The following CTNNA2 variants were observed in gnomAD, a reference collection of about 807,000 sequenced individuals.
CTNNA2 encodes catenin alpha-2.
Under a neutral mutation model 101.0 loss-of-function variants are expected in CTNNA2, and 42 were observed. The ratio of observed to expected loss-of-function variants is 0.42; its 90% confidence interval spans 0.32 to 0.54. The LOEUF (loss-of-function observed/expected upper bound fraction) is 0.54. Among genes scored for constraint, CTNNA2 ranks in the 20% least tolerant of loss-of-function variants. CTNNA2 has a pLI of 0.14. For synonymous variants in CTNNA2, 450 were observed against 456.4 expected, an observed-to-expected ratio of 0.99 and a Z score of 0.18; for missense variants, 871 against 1,223.1, an observed-to-expected ratio of 0.71 and a Z score of 4.29.
chr2:79,877,212 C>T (rs141219338), intron 6 of CTNNA2, among the ~76,000 whole-genome samples: 1,645 of 151,904 alleles, frequency 0.011, 35 homozygotes, highest in African/African-American at 0.038. Flanking sequence ...TCTTGGAGGT[C>T]AACAAAAATC....
intron 9 of CTNNA2, among the ~76,000 whole-genome samples, chr2:80,514,172 TG>T (rs1688923448): frequency 6.6e-6 from 1 of 152,122 alleles, no homozygotes; most frequent in Middle Eastern, 3.2e-3. Context: ...GGACTTGCGA[TG>T]GGGGTGCTCT....
intron 3 of CTNNA2, among the ~76,000 whole-genome samples, chr2:79,837,940 A>G (rs1264719116): frequency 6.6e-6 from 1 of 152,078 alleles, no homozygotes; most frequent in African/African-American, 2.4e-5. Flanking sequence ...AAAGAGACTA[A>G]TATTATGCAA....
intron 2 of CTNNA2, among the ~76,000 whole-genome samples, chr2:79,258,063 T>C (rs946351100): frequency 6.6e-6 from 1 of 152,166 alleles, no homozygotes; most frequent in Non-Finnish European, 1.5e-5. Context: ...CCCACACTAC[T>C]CCAGTATTAA....
intron 9 of CTNNA2, among the ~76,000 whole-genome samples, chr2:80,536,118 G>A (rs763098895): frequency 3.7e-4 from 56 of 152,178 alleles, no homozygotes; most frequent in Non-Finnish European, 7.3e-4. Context: ...TAGGAGTCAT[G>A]TTCTGTAGGA....
At chr2:80,281,906 G>A (rs540560545) in intron 7 of CTNNA2, among the ~76,000 whole-genome samples, 6 of 151,764 alleles carry the variant, frequency 4.0e-5, no homozygotes, top group Non-Finnish European at 7.4e-5. Flanking sequence ...ATAAAAAGAA[G>A]TAATGCTAAA....
intron 7 of CTNNA2, among the ~76,000 whole-genome samples, chr2:80,153,272 C>G (rs1313068790): frequency 2.6e-5 from 4 of 152,186 alleles, no homozygotes; most frequent in African/African-American, 9.7e-5. Context: ...TCTTTTCATC[C>G]TGGGAGCAGC....
At chr2:79,439,827 G>T (rs971800420) in intron 4 of CTNNA2, among the ~76,000 whole-genome samples, 1 of 152,138 alleles carries the variant, frequency 6.6e-6, no homozygotes, top group East Asian at 1.9e-4. Flanking sequence ...TGAAAGTTGG[G>T]TGGGGCAATA....
At chr2:79,187,365 G>T (rs1219824054) in intron 1 of CTNNA2, among the ~76,000 whole-genome samples, 1 of 147,702 alleles carries the variant, frequency 6.8e-6, no homozygotes, top group Non-Finnish European at 1.5e-5. Context: ...TGCCTCCCAG[G>T]TTCAAGCAAT....
chr2:79,574,361 C>A (rs1205235190), intron 1 of CTNNA2, among the ~76,000 whole-genome samples: 1 of 152,068 alleles, frequency 6.6e-6, no homozygotes, highest in Non-Finnish European at 1.5e-5. Flanking sequence ...AGTCCTCACC[C>A]CCCTTCCACC....
chr2:79,495,371 A>G (rs921301690), intron 4 of CTNNA2, among the ~76,000 whole-genome samples: 1 of 152,238 alleles, frequency 6.6e-6, no homozygotes, highest in African/African-American at 2.4e-5. Flanking sequence ...ACATGAAAAG[A>G]TGCTTATCAT....
chr2:79,366,983 T>G (rs534209756), intron 3 of CTNNA2, among the ~76,000 whole-genome samples: 1 of 152,300 alleles, frequency 6.6e-6, no homozygotes, highest in Admixed American at 6.5e-5. Context: ...CTCCCCAAAT[T>G]CATATGTTTA....
At chr2:79,416,496 T>C (rs561462820) in intron 4 of CTNNA2, among the ~76,000 whole-genome samples, 1 of 152,164 alleles carries the variant, frequency 6.6e-6, no homozygotes, top group Non-Finnish European at 1.5e-5. Context: ...CATGCATCCA[T>C]CTAAATAATT....
chr2:79,792,335 G>T (rs1205390415), intron 3 of CTNNA2, among the ~76,000 whole-genome samples: 2 of 152,178 alleles, frequency 1.3e-5, no homozygotes, highest in Non-Finnish European at 2.9e-5. Context: ...AGACATGTTT[G>T]CTATCCATAA....
intron 7 of CTNNA2, among the ~76,000 whole-genome samples, chr2:80,379,390 T>C (rs907117823): frequency 2.0e-5 from 3 of 152,172 alleles, no homozygotes; most frequent in Admixed American, 6.5e-5. Context: ...GGACTTTTTT[T>C]GAAATGTTGT....
chr2:80,598,577 C>A (rs1697191833), intron 15 of CTNNA2, among the ~76,000 whole-genome samples: 1 of 152,160 alleles, frequency 6.6e-6, no homozygotes, highest in Non-Finnish European at 1.5e-5. Context: ...AAACCCTATA[C>A]CATAAACAAT....
chr2:80,073,923 T>A (rs77097849), intron 7 of CTNNA2, among the ~76,000 whole-genome samples: 40,996 of 152,002 alleles, frequency 0.27, 6,270 homozygotes, highest in East Asian at 0.57. Flanking sequence ...GATTAACTAA[T>A]CCTCTATTTC....
chr2:79,835,666 GTTTTTTTTTTTTTTTTTTTTTTTT>G (rs70940048), intron 3 of CTNNA2, among the ~76,000 whole-genome samples: 1 of 58,618 alleles, frequency 1.7e-5, no homozygotes, highest in Admixed American at 2.6e-4. Flanking sequence ...GCCTCTCTTT[GTTTTTTTTTTTTTTTTTTTTTTTT>G]TTTTTTTTTT....
At chr2:79,941,371 C>T (rs749256689) in intron 7 of CTNNA2, among the ~76,000 whole-genome samples, 6 of 152,174 alleles carry the variant, frequency 3.9e-5, no homozygotes, top group Non-Finnish European at 8.8e-5. Flanking sequence ...TGTACTGCTC[C>T]AGTTATGCAG....
intron 7 of CTNNA2, among the ~76,000 whole-genome samples, chr2:80,106,190 G>A (rs762383742): frequency 4.6e-5 from 7 of 152,100 alleles, no homozygotes; most frequent in Admixed American, 3.9e-4. Flanking sequence ...CTCTACACAC[G>A]TCAAATGTAT....
Sources: gnomAD v4.1 joint callset for allele counts (sites outside exome capture counted in the v4.1 genomes callset) on GRCh38, gnomAD v4.1.1 for gene constraint, MANE v1.5 for transcripts, NCBI Gene and HGNC (gene_info 2026-07-23, HGNC 2026-07-21) for gene names.